Variants in RFX8 observed in about 807,000 individuals in gnomAD.
The protein encoded by RFX8 is regulatory factor X8.
In RFX8, 46 loss-of-function variants were observed where a neutral mutation model predicts 54.6. That is an observed-to-expected ratio of 0.84 (90% CI 0.67 to 1.08). The LOEUF (loss-of-function observed/expected upper bound fraction) is 1.08, where lower values mean the gene tolerates loss of function less well. Ranked by LOEUF, RFX8 falls within the 50% of genes least tolerant of loss-of-function variation. The pLI is 0.00. For synonymous variants in RFX8, 192 were observed against 209.5 expected, an observed-to-expected ratio of 0.92 and a Z score of 0.72; for missense variants, 536 against 562.3, an observed-to-expected ratio of 0.95 and a Z score of 0.47.
At chr2:101,442,831 G>A (rs1688169186) in intron 2 of RFX8, among the ~76,000 whole-genome samples, 1 of 152,084 alleles carries the variant, frequency 6.6e-6, no homozygotes. Flanking sequence ...TCTCCATGAG[G>A]GAGGTGCTCC....
chr2:101,409,523 G>A (rs577375079), intron 9 of RFX8, among the ~76,000 whole-genome samples: 1 of 150,072 alleles, frequency 6.7e-6, no homozygotes, highest in East Asian at 2.0e-4. Context: ...ACCATGCCCG[G>A]CCAGACGGAG....
chr2:101,413,918 C>A (rs925373793), intron 7 of RFX8, among the ~76,000 whole-genome samples: 2 of 152,104 alleles, frequency 1.3e-5, no homozygotes, highest in Non-Finnish European at 1.5e-5. Flanking sequence ...GTCATGGAAG[C>A]CACAGTTGGG....
intron 1 of RFX8, among the ~76,000 whole-genome samples, chr2:101,472,164 A>G (rs1175902912): frequency 6.6e-6 from 1 of 152,126 alleles, no homozygotes; most frequent in African/African-American, 2.4e-5. Flanking sequence ...AGAGTGGCGC[A>G]ATCTTGGTTC....
At chr2:101,435,328 G>C (rs1039000410) in intron 2 of RFX8, among the ~76,000 whole-genome samples, 1 of 152,198 alleles carries the variant, frequency 6.6e-6, no homozygotes, top group Non-Finnish European at 1.5e-5. Context: ...TGTGTTTCGG[G>C]AGGGATGAGG....
intron 1 of RFX8, among the ~76,000 whole-genome samples, chr2:101,469,126 A>G (rs1401527104): frequency 3.0e-5 from 4 of 131,944 alleles, no homozygotes; most frequent in Admixed American, 8.1e-5. Context: ...ATATATAAGT[A>G]TATATATATA....
At chr2:101,420,386 T>C (rs1686796165) in intron 4 of RFX8, among the ~76,000 whole-genome samples, 1 of 151,810 alleles carries the variant, frequency 6.6e-6, no homozygotes, top group South Asian at 2.1e-4. Flanking sequence ...CTACTAAAAA[T>C]ACAAAAAATT....
intron 1 of RFX8, among the ~76,000 whole-genome samples, chr2:101,470,380 C>CTGGG (rs1689908318): frequency 6.6e-6 from 1 of 152,158 alleles, no homozygotes; most frequent in African/African-American, 2.4e-5. Flanking sequence ...TTCCAACCAC[C>CTGGG]TGGGGCTCCA....
At chr2:101,408,027 G>T (rs1200687976) in intron 9 of RFX8, among the ~76,000 whole-genome samples, 2 of 152,208 alleles carry the variant, frequency 1.3e-5, no homozygotes, top group African/African-American at 2.4e-5. Flanking sequence ...ACAAAAACAA[G>T]TCCTTCAAAG....
At chr2:101,446,096 T>C (rs1283598099) in intron 2 of RFX8, among the ~76,000 whole-genome samples, 1 of 115,922 alleles carries the variant, frequency 8.6e-6, no homozygotes. Flanking sequence ...GAAGTTATCC[T>C]TAAATCTTAA....
At chr2:101,460,774 T>C (rs1689226154) in intron 2 of RFX8, among the ~76,000 whole-genome samples, 1 of 150,028 alleles carries the variant, frequency 6.7e-6, no homozygotes, top group Admixed American at 6.7e-5. Context: ...TCCCAAGCAG[T>C]GGGATTTGAT....
At chr2:101,466,383 T>C (rs529024517) in intron 2 of RFX8, among the ~76,000 whole-genome samples, 2 of 151,710 alleles carry the variant, frequency 1.3e-5, no homozygotes, top group South Asian at 4.2e-4. Flanking sequence ...CGCAACCAAA[T>C]TGTGAGAAAC....
At chr2:101,408,295 C>T (rs958565664) in intron 9 of RFX8, among the ~76,000 whole-genome samples, 23 of 152,154 alleles carry the variant, frequency 1.5e-4, no homozygotes, top group Admixed American at 6.5e-4. Context: ...ACCATCCTGG[C>T]TAACACGGTG....
At chr2:101,427,814 C>T (rs1687264313) in intron 2 of RFX8, among the ~76,000 whole-genome samples, 1 of 152,190 alleles carries the variant, frequency 6.6e-6, no homozygotes. Context: ...AAACTGTGTC[C>T]TACTTAAGTA....
chr2:101,458,546 C>T (rs1689105530), intron 2 of RFX8, among the ~76,000 whole-genome samples: 1 of 152,212 alleles, frequency 6.6e-6, no homozygotes, highest in Admixed American at 6.5e-5. Context: ...CCCCCACTCT[C>T]TTCTGGCTTG....
intron 3 of RFX8, 114 bp from the exon 4 acceptor site, chr2:101,421,891 CA>C (rs1217333234): frequency 5.3e-6 from 4 of 749,548 alleles, no homozygotes; most frequent in Non-Finnish European, 8.8e-6. Context: ...TCTCAAATGA[CA>C]ATAGCTGCGC....
chr2:101,397,900 C>T lies in RFX8; in HGVS notation c.1246-176G>A, dbSNP rs142285057. Among the ~76,000 whole-genome samples, 42 of 152,226 alleles carry T rather than the reference C, an allele frequency of 2.8e-4. 1 individual carries two copies. In the East Asian group the frequency reaches 7.7e-3, roughly 28 times the overall value. On this transcript the variant is annotated intron_variant, in intron 11 of 11. Transcript: ENST00000428343. Reference sequence around the variant, plus strand: ...TGAGACGGAGTTCCACTCTTGTTACCCAGGCTGGAGTGCCATGGCGCCATC... The same window carrying T: ...TGAGACGGAGTTCCACTCTTGTTACTCAGGCTGGAGTGCCATGGCGCCATC...
chr2:101,474,269 C>T (rs1430214600), intron 1 of RFX8: 2 of 605,114 alleles, frequency 3.3e-6, no homozygotes, highest in Admixed American at 2.9e-5. Flanking sequence ...GGCACCCCCT[C>T]GGCCATGGCT....
chr2:101,398,197 A>G (rs983462666), intron 11 of RFX8, among the ~76,000 whole-genome samples: 3 of 152,180 alleles, frequency 2.0e-5, no homozygotes, highest in Non-Finnish European at 4.4e-5. Flanking sequence ...TTCTCAGGAA[A>G]ACACTCAGGG....
intron 2 of RFX8, among the ~76,000 whole-genome samples, chr2:101,449,986 A>G (rs1476404943): frequency 6.6e-6 from 1 of 152,016 alleles, no homozygotes; most frequent in Non-Finnish European, 1.5e-5. Flanking sequence ...AGAAGGATAG[A>G]CTCAGCGAAA....
Sources: gnomAD v4.1 joint callset for allele counts (sites outside exome capture counted in the v4.1 genomes callset) on GRCh38, gnomAD v4.1.1 for gene constraint, MANE v1.5 for transcripts, NCBI Gene and HGNC (gene_info 2026-07-23, HGNC 2026-07-21) for gene names.